Variants in SHC4 observed in about 807,000 individuals in gnomAD.
The protein encoded by SHC4 is SHC-transforming protein 4.
SHC4 carries 41 observed loss-of-function variants against 69.4 expected under a neutral mutation model. The ratio of observed to expected loss-of-function variants is 0.59; its 90% CI spans 0.46 to 0.77. SHC4 has a LOEUF of 0.77. Among genes scored for constraint, SHC4 ranks in the 30% least tolerant of loss-of-function variants. SHC4 has a pLI of 0.00. For synonymous variants in SHC4, 318 were observed against 299.3 expected, an observed-to-expected ratio of 1.06 and a Z score of -0.64; for missense variants, 777 against 783.8, an observed-to-expected ratio of 0.99 and a Z score of 0.10.
chr15:48,917,735 C>T (rs1041438799), intron 2 of SHC4, among the ~76,000 whole-genome samples: 6 of 151,694 alleles, frequency 4.0e-5, no homozygotes, highest in African/African-American at 1.5e-4. Context: ...GGGGTGACAT[C>T]CAGGGAATGG....
chr15:48,878,467 C>G, intron 4 of SHC4: 1 of 1,613,630 alleles, frequency 6.2e-7, no homozygotes, highest in South Asian at 1.1e-5. Context: ...AGAGCGAGGA[C>G]GAGGGCGAGG....
In SHC4 at chr15:48,962,888, TCGTCCAAGGA is replaced by T. The variant is rs1323158887; in HGVS notation, c.118_127del (p.Ser40LysfsTer44). On this transcript the variant is annotated frameshift_variant, in exon 1 of 12. Coordinates refer to ENST00000332408, the MANE Select transcript of SHC4 (RefSeq NM_203349.4). LOFTEE classifies it high-confidence loss of function. ...CCCGACCGAGCCTCCGGAGCTACCTTCGTCCAAGGACGTGATCGACTCGTTCCGAAAGCGG... is the reference window on the plus strand; with the variant it reads ...CCCGACCGAGCCTCCGGAGCTACCTTCGTGATCGACTCGTTCCGAAAGCGG... The T allele has an allele frequency of 6.2e-7, 1 of 1,613,254 alleles. No individual in the cohort carries two copies. Among genetic ancestry groups the T allele is most frequent in the African/African-American group, 1.3e-5 (1 of 74,914 alleles).
intron 2 of SHC4, among the ~76,000 whole-genome samples, chr15:48,909,074 A>T (rs1217522593): frequency 6.6e-6 from 1 of 152,102 alleles, no homozygotes; most frequent in Non-Finnish European, 1.5e-5. Flanking sequence ...GTTTTTTCTA[A>T]TTCTGTGAAG....
At chr15:48,828,426 C>T (rs190807043) in intron 11 of SHC4, among the ~76,000 whole-genome samples, 4 of 152,238 alleles carry the variant, frequency 2.6e-5, no homozygotes, top group African/African-American at 9.6e-5. Flanking sequence ...TTAGTTTTCA[C>T]CTCTTGACTA....
At chr15:48,878,044 A>C in intron 4 of SHC4, 3 of 1,155,244 alleles carry the variant, frequency 2.6e-6, no homozygotes, top group Non-Finnish European at 3.6e-6. Context: ...GCCAAGTAGG[A>C]GGCGGTACCT....
At chr15:48,841,980 G>T (rs1427175196) in intron 10 of SHC4, among the ~76,000 whole-genome samples, 1 of 152,194 alleles carries the variant, frequency 6.6e-6, no homozygotes, top group Non-Finnish European at 1.5e-5. Flanking sequence ...GCTGTCTTTG[G>T]CAGTTCTGGA....
chr15:48,928,600 G>T (rs994080758), intron 1 of SHC4, among the ~76,000 whole-genome samples: 3 of 152,104 alleles, frequency 2.0e-5, no homozygotes, highest in Non-Finnish European at 2.9e-5. Flanking sequence ...ATGAGGAGAG[G>T]AATTTTTAGT....
intron 2 of SHC4, among the ~76,000 whole-genome samples, chr15:48,894,949 C>A (rs922628610): frequency 4.2e-4 from 64 of 151,954 alleles, no homozygotes; most frequent in African/African-American, 1.5e-3. Flanking sequence ...AAAACCGCCA[C>A]AATTAGCTAA....
Position 48,843,419 on chromosome 15 carries a change from C to T in SHC4, c.1473G>A (p.Trp491Ter). 1 of 1,612,364 alleles carries T rather than the reference C, an allele frequency of 6.2e-7. No homozygotes were observed. Among genetic ancestry groups the T allele is most frequent in the East Asian group, 2.2e-5 (1 of 44,822 alleles). The change falls in exon 10 of 12, where the codon TGG becomes TGA. Residue 491 changes from tryptophan to a stop codon, truncating the protein, a stop_gained. Transcript: ENST00000332408. LOFTEE classifies it high-confidence loss of function. ...QRSAQPLGSP[W>*]HCGKAPETVQ... ...TGAGTAGCTACTTACTTCCGCAGTG[C>T]CATGGGCTCCCCAGTGGTTGGGCTG...
chr15:48,914,801 C>A (rs1305807383), intron 2 of SHC4, among the ~76,000 whole-genome samples: 1 of 152,160 alleles, frequency 6.6e-6, no homozygotes, highest in Non-Finnish European at 1.5e-5. Flanking sequence ...GCATACAGCT[C>A]AGTGGCATTA....
chr15:48,858,607 T>C lies in SHC4; in HGVS notation c.947-792A>G, dbSNP rs562768133. On this transcript the variant is annotated intron_variant, in intron 6 of 11. Transcript: ENST00000332408. ...TGCTGCTGCCACTGAAAGGAGGAGC[T>C]TGTGGTTAGGGACTGTAAATTAATC... is the stretch of plus-strand genomic sequence containing the variant. 6.6e-5 allele frequency among the ~76,000 whole-genome samples: 10 copies of C among 152,298 alleles called. 1 individual carries two copies. In the East Asian group the frequency reaches 1.9e-3, roughly 29 times the overall value.
At chr15:48,892,043 G>T (rs1358955850) in intron 2 of SHC4, among the ~76,000 whole-genome samples, 1 of 152,014 alleles carries the variant, frequency 6.6e-6, no homozygotes, top group African/African-American at 2.4e-5. Flanking sequence ...TTTTAGTAGA[G>T]ATGGGGTTTC....
intron 2 of SHC4, among the ~76,000 whole-genome samples, chr15:48,894,292 G>A (rs1357707237): frequency 6.6e-6 from 1 of 152,128 alleles, no homozygotes; most frequent in African/African-American, 2.4e-5. Context: ...TTGCTATTTT[G>A]TTTCTGATTC....
chr15:48,881,448 C>T (rs992412046), intron 4 of SHC4, among the ~76,000 whole-genome samples: 2 of 150,704 alleles, frequency 1.3e-5, no homozygotes, highest in African/African-American at 4.9e-5. Context: ...TCAGTGTTGT[C>T]TCCCCAACAC....
At chr15:48,862,693 G>C (rs1899468943) in intron 6 of SHC4, among the ~76,000 whole-genome samples, 1 of 152,142 alleles carries the variant, frequency 6.6e-6, no homozygotes, top group Non-Finnish European at 1.5e-5. Context: ...TTTCCAGAGT[G>C]ACCAGTGGCC....
At chr15:48,954,517 G>C (rs1371128908) in intron 1 of SHC4, among the ~76,000 whole-genome samples, 1 of 152,224 alleles carries the variant, frequency 6.6e-6, no homozygotes, top group African/African-American at 2.4e-5. Context: ...ACAATGAAGA[G>C]TCAATGAAGT....
At chr15:48,861,128 T>C (rs1043050310) in intron 6 of SHC4, among the ~76,000 whole-genome samples, 1 of 152,236 alleles carries the variant, frequency 6.6e-6, no homozygotes, top group African/African-American at 2.4e-5. Context: ...ATTACTACCA[T>C]ATTACTTTAT....
intron 2 of SHC4, among the ~76,000 whole-genome samples, chr15:48,911,927 A>G (rs576209723): frequency 3.3e-5 from 5 of 152,202 alleles, no homozygotes; most frequent in Non-Finnish European, 7.3e-5. Flanking sequence ...ATAGGGCCCC[A>G]ATCCCTTCTA....
chr15:48,948,826 A>G (rs1901319628), intron 1 of SHC4, among the ~76,000 whole-genome samples: 1 of 152,000 alleles, frequency 6.6e-6, no homozygotes, highest in South Asian at 2.1e-4. Context: ...GGATGGCTTG[A>G]GCCTGGGAGG....
Sources: gnomAD v4.1 joint callset for allele counts (sites outside exome capture counted in the v4.1 genomes callset) on GRCh38, gnomAD v4.1.1 for gene constraint, MANE v1.5 for transcripts, NCBI Gene and HGNC (gene_info 2026-07-23, HGNC 2026-07-21) for gene names.